CNTN6: variants seen among roughly 807,000 people sequenced by gnomAD.
CNTN6 encodes contactin 6.
Under a neutral mutation model 122.8 loss-of-function variants are expected in CNTN6, and 137 were observed. That is an observed-to-expected ratio of 1.12 (90% CI 0.97 to 1.29). The LOEUF (loss-of-function observed/expected upper bound fraction) is 1.29, where lower values mean the gene tolerates loss of function less well. CNTN6 is among the 50% of genes most tolerant of loss of function. CNTN6 has a pLI of 0.00. For synonymous variants in CNTN6, 570 were observed against 426.0 expected, an observed-to-expected ratio of 1.34 and a Z score of -4.16; for missense variants, 1,634 against 1,223.4, an observed-to-expected ratio of 1.34 and a Z score of -5.01.
At chr3:1,157,555 A>G (rs1387483300) in intron 2 of CNTN6, among the ~76,000 whole-genome samples, 1 of 152,166 alleles carries the variant, frequency 6.6e-6, no homozygotes, top group Non-Finnish European at 1.5e-5. Flanking sequence ...ATTATTGACT[A>G]GAGTCACCCT....
At chr3:1,342,499 T>G (rs778825852) in intron 11 of CNTN6, among the ~76,000 whole-genome samples, 2 of 152,202 alleles carry the variant, frequency 1.3e-5, no homozygotes, top group Non-Finnish European at 2.9e-5. Context: ...TACCTGTTTA[T>G]GATGTCACTT....
chr3:1,234,702 GAACT>G (rs3836243), intron 4 of CNTN6, among the ~76,000 whole-genome samples: 24,157 of 142,972 alleles, frequency 0.17, 2,115 homozygotes, highest in African/African-American at 0.27. Flanking sequence ...CATCAGAAAA[GAACT>G]AACTGAACAA....
intron 7 of CNTN6, among the ~76,000 whole-genome samples, chr3:1,311,548 A>G (rs1448096676): frequency 6.8e-6 from 1 of 147,846 alleles, no homozygotes; most frequent in Non-Finnish European, 1.5e-5. Flanking sequence ...ATAAATGTCT[A>G]TGTGTATATA....
At chr3:1,300,795 C>G (rs1351900282) in intron 7 of CNTN6, among the ~76,000 whole-genome samples, 1 of 151,952 alleles carries the variant, frequency 6.6e-6, no homozygotes. Flanking sequence ...TTCCCTTTCT[C>G]TCTCTCTCTC....
At chr3:1,311,297 A>T (rs1162545021) in intron 7 of CNTN6, among the ~76,000 whole-genome samples, 1 of 145,114 alleles carries the variant, frequency 6.9e-6, no homozygotes, top group Non-Finnish European at 1.5e-5. Flanking sequence ...ATATACATAT[A>T]CGTATATGTA....
At chr3:1,246,221 C>T (rs1291726280) in intron 4 of CNTN6, among the ~76,000 whole-genome samples, 1 of 151,994 alleles carries the variant, frequency 6.6e-6, no homozygotes, top group African/African-American at 2.4e-5. Flanking sequence ...CCTTCTGCCT[C>T]AAAGATGAGC....
chr3:1,121,058 C>G (rs72995753), intron 1 of CNTN6, among the ~76,000 whole-genome samples: 4,096 of 112,276 alleles, frequency 0.036, no homozygotes, highest in South Asian at 0.048. Context: ...ACATAATGAT[C>G]ATTGTTTAAT....
intron 7 of CNTN6, among the ~76,000 whole-genome samples, chr3:1,300,808 C>CCT (rs1184319004): frequency 6.6e-6 from 1 of 151,732 alleles, no homozygotes; most frequent in African/African-American, 2.4e-5. Flanking sequence ...TCTCTCTCCC[C>CCT]CTCTCTCTCT....
intron 1 of CNTN6, among the ~76,000 whole-genome samples, chr3:1,105,666 G>T (rs147370285): frequency 4.6e-5 from 7 of 152,120 alleles, no homozygotes; most frequent in African/African-American, 1.7e-4. Flanking sequence ...TCTTATTAAA[G>T]ATAAATCAGT....
In CNTN6 at chr3:1,267,005, C is replaced by T. The variant is rs74573606; in HGVS notation, c.359-11408C>T. On this transcript the variant is annotated intron_variant, in intron 4 of 22. Coordinates refer to ENST00000446702, the MANE Select transcript of CNTN6 (RefSeq NM_001289080.2). ...AGAGTCTCTCTCTGTAACCTGCGAC[C>T]CCCAGGTTCAAGCAATTCTTCTGCC... is the stretch of plus-strand genomic sequence containing the variant. Among the ~76,000 whole-genome samples the T allele has an allele frequency of 3.7e-3, 552 of 147,960 alleles. 15 individuals carry two copies. The highest frequency in any genetic ancestry group is 0.033 in the Admixed American group (489 of 14,692).
intron 4 of CNTN6, among the ~76,000 whole-genome samples, chr3:1,234,086 A>C (rs2094392193): frequency 6.6e-6 from 1 of 152,296 alleles, no homozygotes; most frequent in Non-Finnish European, 1.5e-5. Flanking sequence ...GCTATTCTTA[A>C]CCATGTTTTA....
chr3:1,110,695 A>ACCTGCTCCTC (rs2091440462), intron 1 of CNTN6, among the ~76,000 whole-genome samples: 1 of 152,092 alleles, frequency 6.6e-6, no homozygotes, highest in Admixed American at 6.6e-5. Flanking sequence ...TGAAAAAAAA[A>ACCTGCTCCTC]ATATGAGGAG....
At chr3:1,365,838 C>T (rs1708142553) in intron 12 of CNTN6, among the ~76,000 whole-genome samples, 1 of 152,032 alleles carries the variant, frequency 6.6e-6, no homozygotes, top group Admixed American at 6.6e-5. Flanking sequence ...CCTTGGGACT[C>T]CATCTTTCTT....
At chr3:1,338,792 G>C (rs1434072323) in intron 11 of CNTN6, among the ~76,000 whole-genome samples, 1 of 152,036 alleles carries the variant, frequency 6.6e-6, no homozygotes, top group Non-Finnish European at 1.5e-5. Flanking sequence ...TTCTTGGTTT[G>C]ATTTTTGAGA....
chr3:1,383,479 T>C, intron 19 of CNTN6, 71 bp downstream of exon 19: 1 of 1,108,332 alleles, frequency 9.0e-7, no homozygotes, highest in Non-Finnish European at 1.4e-6. Context: ...TATTCAACAG[T>C]CCTATCCTAC....
chr3:1,147,215 C>T (rs766339053), intron 1 of CNTN6, among the ~76,000 whole-genome samples: 1 of 151,900 alleles, frequency 6.6e-6, no homozygotes, highest in Non-Finnish European at 1.5e-5. Context: ...ATAGTTTTAT[C>T]AAATGTAACC....
chr3:1,300,558 AAAGAAAGAAAGAAAG>A (rs1559755291), intron 7 of CNTN6, among the ~76,000 whole-genome samples: 1 of 18,068 alleles, frequency 5.5e-5, no homozygotes, highest in East Asian at 0.011. Context: ...AGAGAAAGAA[AAAGAAAGAAAGAAAG>A]AAAGAAAGAA....
intron 20 of CNTN6, among the ~76,000 whole-genome samples, chr3:1,388,058 C>T (rs1576027262): frequency 2.0e-5 from 3 of 151,144 alleles, no homozygotes; most frequent in East Asian, 3.9e-4. Flanking sequence ...GTGGAGCCCA[C>T]CACAGCTCAA....
intron 12 of CNTN6, among the ~76,000 whole-genome samples, chr3:1,369,144 C>G (rs767886900): frequency 2.0e-5 from 3 of 152,196 alleles, no homozygotes; most frequent in Non-Finnish European, 4.4e-5. Context: ...CTCTCTCTAC[C>G]TGCTACCTTT....
Sources: gnomAD v4.1 joint callset for allele counts (sites outside exome capture counted in the v4.1 genomes callset) on GRCh38, gnomAD v4.1.1 for gene constraint, MANE v1.5 for transcripts, NCBI Gene and HGNC (gene_info 2026-07-23, HGNC 2026-07-21) for gene names.